Variants in TTC7B observed in about 807,000 individuals in gnomAD.
The protein encoded by TTC7B is tetratricopeptide repeat domain 7B.
Under a neutral mutation model 106.8 loss-of-function variants are expected in TTC7B, and 28 were observed. The observed-to-expected ratio is 0.26, with a 90% CI of 0.19 to 0.36. The LOEUF (loss-of-function observed/expected upper bound fraction) is 0.36, where lower values mean the gene tolerates loss of function less well. Ranked by LOEUF, TTC7B falls within the 10% of genes least tolerant of loss-of-function variation. TTC7B has a pLI of 1.00. For missense variants in TTC7B, 862 were observed against 1,076.4 expected (o/e 0.80, Z 2.79); for synonymous variants, 405 against 430.6 (o/e 0.94, Z 0.74).
At chr14:90,676,791 C>G (rs1886859234) in intron 8 of TTC7B, 131 bp from the exon 9 acceptor site, 2 of 903,144 alleles carry the variant, frequency 2.2e-6, no homozygotes, top group African/African-American at 3.3e-5. Context: ...TGAGCAGAGG[C>G]CTGTCATCTT....
intron 16 of TTC7B, 149 bp from the exon 17 acceptor site, chr14:90,610,988 T>C: frequency 1.5e-6 from 1 of 667,164 alleles, no homozygotes; most frequent in Non-Finnish European, 2.7e-6. Flanking sequence ...GGAGGCATCC[T>C]GCTTCCTGGC....
chr14:90,739,282 G>A (rs961057503), intron 4 of TTC7B, among the ~76,000 whole-genome samples: 30 of 152,298 alleles, frequency 2.0e-4, no homozygotes, highest in African/African-American at 7.2e-4. Context: ...TGAGTGAAAA[G>A]GTAGGCCTGA....
At chr14:90,590,225 C>T (rs1422419020) in intron 18 of TTC7B, among the ~76,000 whole-genome samples, 1 of 152,168 alleles carries the variant, frequency 6.6e-6, no homozygotes, top group African/African-American at 2.4e-5. Context: ...ATCTCCTGGG[C>T]CTGTCCCCTT....
rs1474492702 is a variant in TTC7B at position 90,600,567 on chromosome 14, T to C, written c.1967-6941A>G. On this transcript the variant is annotated intron_variant, in intron 17 of 19. Coordinates refer to ENST00000328459, the MANE Select transcript of TTC7B (RefSeq NM_001010854.2). The surrounding 1 kb of genome is among the most constrained non-coding windows in gnomAD (Gnocchi z 4.3). Reference sequence around the variant, plus strand: ...GATCAGTTTCCCACTGACTTTAACATAATATCAAGCACCGTTTAAACCTGA... The same window carrying C: ...GATCAGTTTCCCACTGACTTTAACACAATATCAAGCACCGTTTAAACCTGA... Among the ~76,000 whole-genome samples, 1 of 152,168 alleles carries C rather than the reference T, an allele frequency of 6.6e-6. No homozygotes were observed. The highest frequency in any genetic ancestry group is 2.4e-5 in the African/African-American group (1 of 41,444).
At chr14:90,733,454 G>T (rs1381288596) in intron 4 of TTC7B, among the ~76,000 whole-genome samples, 2 of 152,196 alleles carry the variant, frequency 1.3e-5, no homozygotes, top group Non-Finnish European at 2.9e-5. Flanking sequence ...GGGAGAATGG[G>T]AAAGACGCAA....
intron 7 of TTC7B, 111 bp from the exon 8 acceptor site, chr14:90,680,646 T>C (rs1167467928): frequency 1.4e-6 from 1 of 720,672 alleles, no homozygotes; most frequent in East Asian, 2.7e-5. Flanking sequence ...CCATGAAAAA[T>C]ACTGTATAAT....
intron 2 of TTC7B, 44 bp from the exon 3 acceptor site, chr14:90,780,950 C>G: frequency 6.3e-7 from 1 of 1,577,418 alleles, no homozygotes; most frequent in Non-Finnish European, 8.7e-7. Flanking sequence ...CCTACAATAT[C>G]AGGCATGATG....
chr14:90,782,305 A>G lies in TTC7B; in HGVS notation c.277-1399T>C, dbSNP rs1449190918. ...ATCAAAGCAGACTCAGAAAAGAGAAAAAAAGCATCCAGGCCGAGTGCGGTG... is the reference window on the plus strand; with the variant it reads ...ATCAAAGCAGACTCAGAAAAGAGAAGAAAAGCATCCAGGCCGAGTGCGGTG... On this transcript the variant is annotated intron_variant, in intron 2 of 19. Coordinates refer to ENST00000328459, the MANE Select transcript of TTC7B (RefSeq NM_001010854.2). 2.0e-5 allele frequency among the ~76,000 whole-genome samples: 3 copies of G among 152,176 alleles called. No individual in the cohort carries two copies. In the South Asian group the frequency reaches 6.2e-4, roughly 32 times the overall value.
intron 1 of TTC7B, among the ~76,000 whole-genome samples, chr14:90,796,942 C>G (rs1000385366): frequency 6.6e-6 from 1 of 151,274 alleles, no homozygotes; most frequent in African/African-American, 2.4e-5. Flanking sequence ...GACTCCCAGG[C>G]TCAAGCAATT....
chr14:90,791,691 C>T (rs902954696), intron 1 of TTC7B, among the ~76,000 whole-genome samples: 1 of 152,064 alleles, frequency 6.6e-6, no homozygotes, highest in African/African-American at 2.4e-5. Flanking sequence ...TCACCCTCCC[C>T]CATAGGCTGG....
chr14:90,635,398 TC>T (rs973124613), intron 15 of TTC7B, among the ~76,000 whole-genome samples: 1 of 152,124 alleles, frequency 6.6e-6, no homozygotes, highest in Non-Finnish European at 1.5e-5. Flanking sequence ...TATAAATATG[TC>T]AGTATTTACA....
chr14:90,541,226 T>G lies in TTC7B; in HGVS notation c.*142A>C. Reference sequence around the variant, plus strand: ...GCGAGAGCGATGATTCGGGGTTGGTTTGGTTGGTTCACTGTGGCCCACTGA... The same window carrying G: ...GCGAGAGCGATGATTCGGGGTTGGTGTGGTTGGTTCACTGTGGCCCACTGA... On this transcript the variant is annotated 3_prime_UTR_variant, in exon 20 of 20. Transcript: ENST00000328459. The G allele has an allele frequency of 1.5e-6, 1 of 687,910 alleles. No individual in the cohort carries two copies. The highest frequency in any genetic ancestry group is 2.9e-5 in the East Asian group (1 of 34,966). The allele number at this position is 687,910 out of a possible 1,614,324, so 42.6% of individuals were successfully genotyped here.
intron 19 of TTC7B, among the ~76,000 whole-genome samples, chr14:90,549,550 G>T (rs1889986301): frequency 6.6e-6 from 1 of 152,172 alleles, no homozygotes; most frequent in African/African-American, 2.4e-5. Flanking sequence ...GTAGGTGAGG[G>T]GCCTGAAAGG....
At position 90,730,206 on chromosome 14, in the gene TTC7B, G is replaced by A; in HGVS notation, c.577-10C>T. On this transcript the variant is annotated splice_polypyrimidine_tract_variant and intron_variant, in intron 4 of 19. Transcript: ENST00000328459. ...TATTAGAAAGTATTACCTAGAAGGG[G>A]AGAAAATTGGAAAACTAATCAGATG... 2.5e-6 allele frequency: 4 copies of A among 1,593,328 alleles called. No homozygotes were observed. Among genetic ancestry groups the A allele is most frequent in the Non-Finnish European group, 3.4e-6 (4 of 1,174,224 alleles).
intron 19 of TTC7B, among the ~76,000 whole-genome samples, chr14:90,560,524 G>C (rs372160832): frequency 1.3e-5 from 2 of 152,238 alleles, no homozygotes; most frequent in African/African-American, 2.4e-5. Flanking sequence ...TTTCAGTGTT[G>C]AGGATTCAGA....
Position 90,526,073 on chromosome 14 carries a change from TTCTATG to T in TTC7B, c.*15289_*15294del, listed in dbSNP as rs1268736448. 6.6e-6 allele frequency: 1 copy of T among 152,212 alleles called. No individual in the cohort carries two copies. The highest frequency in any genetic ancestry group is 2.4e-5 in the African/African-American group (1 of 41,454). The allele number at this position is 152,212 out of a possible 1,614,324, so 9.4% of individuals were successfully genotyped here. Reference sequence around the variant, plus strand: ...TACTAAGAGAGGAATTCCTGGATAATTCTATGTCTAACTTTTTAAGAAACTGCCAAA... The same window carrying T: ...TACTAAGAGAGGAATTCCTGGATAATTCTAACTTTTTAAGAAACTGCCAAA... On this transcript the variant is annotated 3_prime_UTR_variant, in exon 20 of 20. Coordinates refer to ENST00000328459, the MANE Select transcript of TTC7B (RefSeq NM_001010854.2).
rs574830873 is a variant in TTC7B, at chr14:90,610,953, C to T, written c.1869-114G>A. ...ATGAATACTTTCTGTGCATTTTTTA[C>T]GTTCTTCAGCATCTTTCTTATGAAG... On this transcript the variant is annotated intron_variant, in intron 16 of 19. Transcript: ENST00000328459. 189 of 769,886 alleles carry T rather than the reference C, an allele frequency of 2.5e-4. 2 individuals are homozygous for T. The highest frequency in any genetic ancestry group is 2.2e-3 in the South Asian group (158 of 70,430). The allele number at this position is 769,886 out of a possible 1,614,324, so 47.7% of individuals were successfully genotyped here.
chr14:90,765,496 A>C (rs1040844124), intron 3 of TTC7B, among the ~76,000 whole-genome samples: 6 of 152,200 alleles, frequency 3.9e-5, no homozygotes, highest in Admixed American at 2.0e-4. Context: ...TCTGTTATTT[A>C]AAAAGCTATA....
chr14:90,701,402 G>A (rs886318862), intron 5 of TTC7B, among the ~76,000 whole-genome samples: 2 of 152,048 alleles, frequency 1.3e-5, no homozygotes, highest in Non-Finnish European at 2.9e-5. Context: ...AGTCAAAGAA[G>A]TCACAGAGAG....
Sources: allele counts gnomAD v4.1 joint callset (sites outside exome capture counted in the v4.1 genomes callset), GRCh38; gene constraint gnomAD v4.1.1; non-coding constraint Gnocchi (gnomAD v3.1); transcripts MANE v1.5; gene names NCBI Gene and HGNC (gene_info 2026-07-23, HGNC 2026-07-21).